Variants in OSBPL1A observed in about 807,000 individuals in gnomAD.
OSBPL1A encodes oxysterol binding protein like 1A.
A neutral mutation model predicts 137.1 loss-of-function variants in OSBPL1A; 80 were observed. The observed-to-expected ratio is 0.58, with a 90% confidence interval of 0.49 to 0.70. OSBPL1A has a LOEUF of 0.70. Among genes scored for constraint, OSBPL1A ranks in the 30% least tolerant of loss-of-function variants. The probability of loss-of-function intolerance (pLI) is 0.00; values close to 1 mark genes in which losing one functional copy is unlikely to be tolerated. For missense variants in OSBPL1A, 970 were observed against 1,129.4 expected (o/e 0.86, Z 2.02); for synonymous variants, 365 against 389.7 (o/e 0.94, Z 0.75).
chr18:24,385,002 T>C (rs1377131177), intron 1 of OSBPL1A, among the ~76,000 whole-genome samples: 3 of 151,150 alleles, frequency 2.0e-5, no homozygotes, highest in Non-Finnish European at 4.4e-5. Flanking sequence ...TTGGCCAGGC[T>C]GGAGTGCAGT....
At chr18:24,302,236 GA>G (rs368812387) in intron 14 of OSBPL1A, among the ~76,000 whole-genome samples, 45 of 106,418 alleles carry the variant, frequency 4.2e-4, no homozygotes, top group East Asian at 3.6e-3. Context: ...TCCATCTCAA[GA>G]AAAAAAAAAA....
intron 17 of OSBPL1A, among the ~76,000 whole-genome samples, chr18:24,201,626 G>A (rs1035883714): frequency 2.0e-5 from 3 of 152,054 alleles, no homozygotes; most frequent in Non-Finnish European, 4.4e-5. Context: ...AGCTGAGCGT[G>A]GTGGCACATG....
At chr18:24,180,345 A>T (rs980879871) in intron 19 of OSBPL1A, among the ~76,000 whole-genome samples, 1 of 152,230 alleles carries the variant, frequency 6.6e-6, no homozygotes, top group African/African-American at 2.4e-5. Context: ...ATCCATGTAC[A>T]ACATATACAA....
chr18:24,234,348 C>A (rs1475574507), intron 16 of OSBPL1A, among the ~76,000 whole-genome samples: 2 of 152,154 alleles, frequency 1.3e-5, no homozygotes, highest in Non-Finnish European at 2.9e-5. Context: ...CACTCCCACA[C>A]CCACACACGC....
chr18:24,271,741 T>G lies in OSBPL1A; in HGVS notation c.1281+9101A>C, dbSNP rs1392259501. 1.0e-6 allele frequency: 1 copy of G among 985,464 alleles called. No homozygotes were observed. Among genetic ancestry groups the G allele is most frequent in the African/African-American group, 1.7e-5 (1 of 57,212 alleles). 61.0% of individuals were successfully genotyped at this position (985,464 alleles called of 1,614,324 possible). ...CTCCAGTCGAGCCGAGGCGAGCCGATCCGGGAGGCGCGACCCAGGGCGGCC... is the reference window on the plus strand; with the variant it reads ...CTCCAGTCGAGCCGAGGCGAGCCGAGCCGGGAGGCGCGACCCAGGGCGGCC... On this transcript the variant is annotated intron_variant, in intron 15 of 27. Coordinates refer to ENST00000319481, the MANE Select transcript of OSBPL1A (RefSeq NM_080597.4). The surrounding 1 kb of genome is among the most constrained non-coding windows in gnomAD (Gnocchi z 4.0).
In OSBPL1A at chr18:24,225,278, C is replaced by T. The variant is rs1211938661; in HGVS notation, c.1445-80G>A. ...TAACAATGGATCCCTCCCTTCATGC[C>T]TCAGGCTTTGAAACCTAAGCAGCCT... On this transcript the variant is annotated intron_variant, in intron 16 of 27. Transcript: ENST00000319481. 4 of 1,508,116 alleles carry T rather than the reference C, an allele frequency of 2.7e-6. No individual in the cohort carries two copies. In the Admixed American group the frequency reaches 5.5e-5, roughly 21 times the overall value. The allele number at this position is 1,508,116 out of a possible 1,614,324, so 93.4% of individuals were successfully genotyped here.
chr18:24,228,876 A>C (rs1225772628), intron 16 of OSBPL1A, among the ~76,000 whole-genome samples: 1 of 152,172 alleles, frequency 6.6e-6, no homozygotes, highest in Non-Finnish European at 1.5e-5. Flanking sequence ...ACTGTGAGTC[A>C]GTCTTAAAGC....
intron 4 of OSBPL1A, chr18:24,366,274 AC>A (rs1348707950): frequency 6.6e-6 from 1 of 152,164 alleles, no homozygotes; most frequent in Non-Finnish European, 1.5e-5. Flanking sequence ...GTGTTCAGCT[AC>A]CCAGGAGCTC....
chr18:24,185,618 C>CA (rs1330530907), intron 18 of OSBPL1A, among the ~76,000 whole-genome samples: 1 of 152,102 alleles, frequency 6.6e-6, no homozygotes, highest in Non-Finnish European at 1.5e-5. Flanking sequence ...TGCACCCATC[C>CA]AGGTTCACCG....
chr18:24,207,209 G>A (rs1327287195), intron 17 of OSBPL1A, among the ~76,000 whole-genome samples: 4 of 152,056 alleles, frequency 2.6e-5, no homozygotes, highest in East Asian at 1.9e-4. Context: ...TCAGCCTCCC[G>A]AGTAGCTGGG....
intron 2 of OSBPL1A, among the ~76,000 whole-genome samples, chr18:24,369,445 C>T (rs1000965090): frequency 1.3e-5 from 2 of 152,208 alleles, no homozygotes; most frequent in Non-Finnish European, 2.9e-5. Flanking sequence ...CCCAAAGTCA[C>T]CTGCCTTGAT....
At chr18:24,314,152 C>A in intron 12 of OSBPL1A, 97 bp downstream of exon 12, 1 of 703,938 alleles carries the variant, frequency 1.4e-6, no homozygotes, top group Non-Finnish European at 2.3e-6. Flanking sequence ...GTACAATCAA[C>A]AAGATGTTGG....
At chr18:24,358,708 G>A (rs2091575648) in intron 4 of OSBPL1A, among the ~76,000 whole-genome samples, 1 of 152,174 alleles carries the variant, frequency 6.6e-6, no homozygotes, top group East Asian at 1.9e-4. Context: ...GAGAATTTCT[G>A]AGACACAGAA....
chr18:24,307,618 G>T (rs149209046), intron 13 of OSBPL1A, among the ~76,000 whole-genome samples: 9 of 152,034 alleles, frequency 5.9e-5, no homozygotes, highest in African/African-American at 1.9e-4. Flanking sequence ...ATCATATTTG[G>T]TACATCATTT....
At chr18:24,372,448 C>T (rs1294030525) in intron 2 of OSBPL1A, among the ~76,000 whole-genome samples, 1 of 152,134 alleles carries the variant, frequency 6.6e-6, no homozygotes, top group African/African-American at 2.4e-5. Context: ...AAGCACAAAG[C>T]TGAACTCACC....
chr18:24,183,173 G>T (rs2086653638), intron 18 of OSBPL1A, among the ~76,000 whole-genome samples: 1 of 151,756 alleles, frequency 6.6e-6, no homozygotes, highest in South Asian at 2.1e-4. Context: ...ATGGCACCTG[G>T]CCTTCTATTT....
At chr18:24,349,641 A>T (rs1166169028) in intron 4 of OSBPL1A, among the ~76,000 whole-genome samples, 1 of 151,794 alleles carries the variant, frequency 6.6e-6, no homozygotes, top group African/African-American at 2.4e-5. Context: ...AGAAGATGAG[A>T]AGTGTGAGTA....
chr18:24,177,551 T>G (rs959538581), intron 21 of OSBPL1A, among the ~76,000 whole-genome samples: 6 of 152,352 alleles, frequency 3.9e-5, no homozygotes, highest in Non-Finnish European at 8.8e-5. Flanking sequence ...TATCGTATGC[T>G]TATTCTCTCC....
intron 17 of OSBPL1A, among the ~76,000 whole-genome samples, chr18:24,208,837 T>C (rs981361767): frequency 6.6e-6 from 1 of 152,192 alleles, no homozygotes; most frequent in East Asian, 1.9e-4. Context: ...CAAAAGGCCA[T>C]TGTTTACTCT....
Sources: gnomAD v4.1 joint callset for allele counts (sites outside exome capture counted in the v4.1 genomes callset) on GRCh38, gnomAD v4.1.1 for gene constraint, Gnocchi (gnomAD v3.1) non-coding constraint, MANE v1.5 for transcripts, NCBI Gene and HGNC (gene_info 2026-07-23, HGNC 2026-07-21) for gene names.